The following TCF3 variants were observed in gnomAD, a reference collection of about 807,000 sequenced individuals.
The protein encoded by TCF3 is transcription factor E2-alpha.
TCF3 carries 54 observed loss-of-function variants against 72.3 expected under a neutral mutation model. That is an observed-to-expected ratio of 0.75 (90% CI 0.60 to 0.94). The LOEUF (loss-of-function observed/expected upper bound fraction) is 0.94, where lower values mean the gene tolerates loss of function less well. Ranked by LOEUF, TCF3 falls within the 40% of genes least tolerant of loss-of-function variation. TCF3 has a pLI of 0.00. For missense variants in TCF3, 1,078 were observed against 934.4 expected (o/e 1.15, Z -2.00); for synonymous variants, 525 against 412.6 (o/e 1.27, Z -3.30).
At chr19:1,639,951 G>T (rs977190885) in intron 3 of TCF3, among the ~76,000 whole-genome samples, 1 of 152,102 alleles carries the variant, frequency 6.6e-6, no homozygotes, top group Non-Finnish European at 1.5e-5. Context: ...TGCCGATAAA[G>T]AGGAAAATTG....
chr19:1,619,767 G>A lies in TCF3; in HGVS notation c.1167+13C>T. On this transcript the variant is annotated intron_variant, in intron 14 of 18. Transcript: ENST00000262965. ...GTCGGGGAAGGGTGGGGTGGGGCGG[G>A]GCAGGCACTCACCAGGCCGTGGAGA... The A allele has an allele frequency of 1.3e-6, 2 of 1,544,540 alleles. No individual in the cohort carries two copies. The highest frequency in any genetic ancestry group is 2.4e-5 in the South Asian group (2 of 83,958).
chr19:1,612,284 G>A lies in TCF3; in HGVS notation c.1823-435C>T, dbSNP rs759261756. The A allele has an allele frequency of 3.2e-5, 52 of 1,613,488 alleles. No individual in the cohort carries two copies. The highest frequency in any genetic ancestry group is 4.1e-5 in the Non-Finnish European group (48 of 1,179,736). ...GAGCAGCTTGGTCTGCGCTTTGTCC[G>A]ACTTGAGGTGCATCTGGCACATGCG... On this transcript the variant is annotated intron_variant, in intron 18 of 18. Transcript: ENST00000262965.
At position 1,611,268 on chromosome 19, in the gene TCF3, C is replaced by T; in HGVS notation, c.*439G>A. On this transcript the variant is annotated 3_prime_UTR_variant, in exon 19 of 19. Coordinates refer to ENST00000262965, the MANE Select transcript of TCF3 (RefSeq NM_003200.5). ...ATAAGCCAGGTTTCCACAGCATCCC[C>T]CTTGAGTGATATGTTTCCATTTCTC... The T allele has an allele frequency of 3.1e-6, 1 of 324,604 alleles. No individual in the cohort carries two copies. The highest frequency in any genetic ancestry group is 5.6e-6 in the Non-Finnish European group (1 of 179,308). 20.1% of individuals were successfully genotyped at this position (324,604 alleles called of 1,614,324 possible).
In TCF3 at chr19:1,620,951, C is replaced by G. The variant is rs73506282; in HGVS notation, c.1093+17G>C. On this transcript the variant is annotated intron_variant, in intron 13 of 18. Coordinates refer to ENST00000262965, the MANE Select transcript of TCF3 (RefSeq NM_003200.5). The stretch of plus-strand genomic sequence containing the variant: ...TCACAGACCTCAGCCTCCCCTCCCC[C>G]CAAAACCCTCACAGACCTGCCAGGC... 368 of 1,481,700 alleles carry G rather than the reference C, an allele frequency of 2.5e-4. 1 individual carries two copies. The highest frequency in any genetic ancestry group is 2.0e-3 in the East Asian group (76 of 37,956). The allele number at this position is 1,481,700 out of a possible 1,614,324, so 91.8% of individuals were successfully genotyped here.
chr19:1,646,833 G>A (rs995821727), intron 2 of TCF3, among the ~76,000 whole-genome samples: 10 of 152,224 alleles, frequency 6.6e-5, no homozygotes, highest in African/African-American at 2.2e-4. Context: ...AAAGTGAGAG[G>A]TTTACACTCA....
At chr19:1,649,075 G>A (rs1444433140) in intron 2 of TCF3, among the ~76,000 whole-genome samples, 2 of 152,210 alleles carry the variant, frequency 1.3e-5, no homozygotes, top group Non-Finnish European at 2.9e-5. Flanking sequence ...CCCAGGTGGA[G>A]AATGGGCCGT....
At chr19:1,650,031 C>G in intron 2 of TCF3, 146 bp downstream of exon 2, 1 of 773,012 alleles carries the variant, frequency 1.3e-6, no homozygotes, top group Non-Finnish European at 2.0e-6. Context: ...AGAGAGCGGC[C>G]CACTCCCCCA....
At chr19:1,618,733 CA>C (rs2061821914) in intron 16 of TCF3, among the ~76,000 whole-genome samples, 1 of 152,206 alleles carries the variant, frequency 6.6e-6, no homozygotes, top group African/African-American at 2.4e-5. Context: ...ACAAAACCCC[CA>C]ACCCACCGCA....
At chr19:1,638,358 G>GTTTTTTTGT (rs1555768422) in intron 3 of TCF3, among the ~76,000 whole-genome samples, 1 of 152,138 alleles carries the variant, frequency 6.6e-6, no homozygotes, top group Non-Finnish European at 1.5e-5. Context: ...CAGATACAAT[G>GTTTTTTTGT]TTTTTTTGTT....
intron 2 of TCF3, among the ~76,000 whole-genome samples, chr19:1,646,747 G>A (rs976023340): frequency 6.6e-6 from 1 of 152,220 alleles, no homozygotes; most frequent in Non-Finnish European, 1.5e-5. Flanking sequence ...GGGGGGAGGG[G>A]TATCCCATTA....
chr19:1,651,628 CCGAAGGCGGGG>C, intron 1 of TCF3, among the ~76,000 whole-genome samples: 1 of 152,218 alleles, frequency 6.6e-6, no homozygotes, highest in Admixed American at 6.5e-5. Flanking sequence ...TTGCACGGCG[CCGAAGGCGGGG>C]GGCGCGCTGG....
At chr19:1,651,353 TTGTC>T (rs1379939420) in intron 1 of TCF3, 3 of 226,778 alleles carry the variant, frequency 1.3e-5, no homozygotes, top group Admixed American at 5.7e-5. Flanking sequence ...AATCCCCTCT[TTGTC>T]TGCCAACTGG....
Position 1,610,353 on chromosome 19 carries a change from G to A in TCF3, c.*1354C>T, listed in dbSNP as rs1010594274. The A allele has an allele frequency of 8.6e-6, 2 of 231,688 alleles. No homozygotes were observed. Among genetic ancestry groups the A allele is most frequent in the Non-Finnish European group, 1.7e-5 (2 of 117,224 alleles). 14.4% of individuals were successfully genotyped at this position (231,688 alleles called of 1,614,324 possible). The stretch of plus-strand genomic sequence containing the variant: ...GCCCAGGGATGCTCCCCAGCATTGG[G>A]GGAGGCTGGCCAGGCCCCTGGCATC... On this transcript the variant is annotated 3_prime_UTR_variant, in exon 19 of 19. Coordinates refer to ENST00000262965, the MANE Select transcript of TCF3 (RefSeq NM_003200.5).
At chr19:1,627,263 C>A in intron 6 of TCF3, 96 bp downstream of exon 6, 1 of 806,842 alleles carries the variant, frequency 1.2e-6, no homozygotes, top group South Asian at 1.7e-5. Flanking sequence ...GCAAACATAA[C>A]CTAGCTAAGC....
At position 1,611,869 on chromosome 19, in the gene TCF3, C is replaced by T. The variant is rs2061013989; in HGVS notation, c.1823-20G>A. ...TCCGCTCTGGAGGGAGGGGGGAGAG[C>T]TCTGTGGGAGACGGTCCCAGGGAGG... On this transcript the variant is annotated intron_variant, in intron 18 of 18. Coordinates refer to ENST00000262965, the MANE Select transcript of TCF3 (RefSeq NM_003200.5). 3 of 1,576,816 alleles carry T rather than the reference C, an allele frequency of 1.9e-6. No homozygotes were observed. In the South Asian group the frequency reaches 3.4e-5, roughly 18 times the overall value.
In TCF3 at chr19:1,611,588, G is replaced by T; in HGVS notation, c.*119C>A. 1.4e-6 allele frequency: 2 copies of T among 1,383,404 alleles called. No homozygotes were observed. The highest frequency in any genetic ancestry group is 1.9e-6 in the Non-Finnish European group (2 of 1,033,312). The allele number at this position is 1,383,404 out of a possible 1,614,324, so 85.7% of individuals were successfully genotyped here. Reference sequence around the variant, plus strand: ...AACCTTGTCAGGTTGGTGTTGGCTCGATGCTGACAACAGGTGTGTGAGGTG... The same window carrying T: ...AACCTTGTCAGGTTGGTGTTGGCTCTATGCTGACAACAGGTGTGTGAGGTG... On this transcript the variant is annotated 3_prime_UTR_variant, in exon 19 of 19. Coordinates refer to ENST00000262965, the MANE Select transcript of TCF3 (RefSeq NM_003200.5).
chr19:1,610,937 G>T lies in TCF3; in HGVS notation c.*770C>A, dbSNP rs1482763929. The T allele has an allele frequency of 5.9e-6, 1 of 168,338 alleles. No homozygotes were observed. The highest frequency in any genetic ancestry group is 1.0e-4 in the East Asian group (1 of 9,798). The allele number at this position is 168,338 out of a possible 1,614,324, so 10.4% of individuals were successfully genotyped here. ...TGCAGTGGCTTCCGGGGGGGGGGGG[G>T]GACGGGGGGGCTCAGGTTTACACGG... is the stretch of plus-strand genomic sequence containing the variant. On this transcript the variant is annotated 3_prime_UTR_variant, in exon 19 of 19. Transcript: ENST00000262965.
chr19:1,615,983 C>T lies in TCF3; in HGVS notation c.1451-162G>A, dbSNP rs555832338. Among the ~76,000 whole-genome samples, 15 of 152,282 alleles carry T rather than the reference C, an allele frequency of 9.9e-5. No homozygotes were observed. The highest frequency in any genetic ancestry group is 3.4e-3 in the Middle Eastern group (1 of 294). ...CAACCAGAACTGGATCCCTACCTCA[C>T]GCCATGTGTAGCTACCAATGCCAGA... On this transcript the variant is annotated intron_variant, in intron 16 of 18. Transcript: ENST00000262965. The surrounding 1 kb of genome is among the most constrained non-coding windows in gnomAD (Gnocchi z 7.3).
intron 7 of TCF3, 107 bp from the exon 8 acceptor site, chr19:1,624,107 C>G (rs2062593018): frequency 3.3e-6 from 4 of 1,209,192 alleles, no homozygotes; most frequent in Non-Finnish European, 3.5e-6. Context: ...ATATTAAAAA[C>G]CTCGGGTCGG....
Sources: gnomAD v4.1 joint callset for allele counts (sites outside exome capture counted in the v4.1 genomes callset) on GRCh38, gnomAD v4.1.1 for gene constraint, Gnocchi (gnomAD v3.1) non-coding constraint, MANE v1.5 for transcripts, NCBI Gene and HGNC (gene_info 2026-07-23, HGNC 2026-07-21) for gene names.